Variants in SPAM1 observed in about 807,000 individuals in gnomAD.
SPAM1 encodes the protein hyaluronidase PH-20.
SPAM1 carries 22 observed loss-of-function variants against 29.6 expected under a neutral mutation model. That is an observed-to-expected ratio of 0.74 (90% CI 0.53 to 1.06). SPAM1 has a LOEUF of 1.06. Among genes scored for constraint, SPAM1 ranks in the 50% least tolerant of loss-of-function variants. The probability of loss-of-function intolerance (pLI) is 0.00; values close to 1 mark genes in which losing one functional copy is unlikely to be tolerated. For missense variants in SPAM1, 534 were observed against 604.0 expected, an observed-to-expected ratio of 0.88 and a Z score of 1.21; for synonymous variants, 194 against 204.6, an observed-to-expected ratio of 0.95 and a Z score of 0.44.
intron 1 of SPAM1, among the ~76,000 whole-genome samples, chr7:123,927,224 C>T (rs1371104145): frequency 2.0e-5 from 3 of 152,094 alleles, no homozygotes; most frequent in Non-Finnish European, 4.4e-5. Flanking sequence ...AGAGCTTAGT[C>T]CTCATATCCA....
intron 4 of SPAM1, among the ~76,000 whole-genome samples, chr7:123,956,119 G>T (rs974454012): frequency 6.6e-6 from 1 of 151,954 alleles, no homozygotes; most frequent in African/African-American, 2.4e-5. Context: ...TACTATTTAA[G>T]TGTCATGCTT....
At chr7:123,964,667 GGTGTGACCACAA>G (rs560686751), downstream of SPAM1, among the ~76,000 whole-genome samples, 672 of 151,934 alleles carry the variant, frequency 4.4e-3, 8 homozygotes, top group African/African-American at 0.015. Flanking sequence ...TGAAAGTGCA[GGTGTGACCACAA>G]GTGTGACCCA....
rs540843450 is a variant in SPAM1, at chr7:123,938,251, T to C, written c.-318-11621T>C. ...CCAAGCAACTGGGACTACAGACACATACCACCATGCCTGGCTGTAGAAAAT... is the reference window on the plus strand; with the variant it reads ...CCAAGCAACTGGGACTACAGACACACACCACCATGCCTGGCTGTAGAAAAT... On this transcript the variant is annotated intron_variant, in intron 1 of 4. Transcript: ENST00000682466. 1.8e-4 allele frequency among the ~76,000 whole-genome samples: 27 copies of C among 152,240 alleles called. No homozygotes were observed. In the South Asian group the frequency reaches 5.4e-3, roughly 30 times the overall value.
At chr7:123,935,882 C>T (rs1010493247) in intron 1 of SPAM1, among the ~76,000 whole-genome samples, 4 of 152,142 alleles carry the variant, frequency 2.6e-5, no homozygotes, top group Middle Eastern at 3.2e-3. Context: ...CCTATTTTAT[C>T]CTATCCTATT....
chr7:123,951,134 G>A (rs1808749925), intron 2 of SPAM1, among the ~76,000 whole-genome samples: 1 of 152,020 alleles, frequency 6.6e-6, no homozygotes, highest in Non-Finnish European at 1.5e-5. Flanking sequence ...TTTCGTTTGA[G>A]TTCCTCATAG....
chr7:123,948,681 T>A (rs749585722), intron 1 of SPAM1, among the ~76,000 whole-genome samples: 1 of 152,150 alleles, frequency 6.6e-6, no homozygotes, highest in Non-Finnish European at 1.5e-5. Context: ...CCTTTTTCAA[T>A]ATTTGTCCAT....
intron 1 of SPAM1, chr7:123,932,089 AC>A (rs1252372810): frequency 1.3e-5 from 2 of 152,212 alleles, no homozygotes; most frequent in Non-Finnish European, 2.9e-5. Flanking sequence ...ACGAATTAAA[AC>A]CAAGAGTACT....
In SPAM1 at chr7:123,935,587, T is replaced by G. The variant is rs1286064144; in HGVS notation, c.-319+10235T>G. Among the ~76,000 whole-genome samples, 69 of 152,168 alleles carry G rather than the reference T, an allele frequency of 4.5e-4. 1 individual carries two copies. The highest frequency in any genetic ancestry group is 2.1e-4 in the Non-Finnish European group (14 of 68,020). ...ATTGCTTAAGGAATTCTCAGACAGA[T>G]AAGAATTCTATTCTTGTTGCTGAAG... On this transcript the variant is annotated intron_variant, in intron 1 of 4. Transcript: ENST00000682466.
chr7:123,936,105 T>G (rs1162836571), intron 1 of SPAM1, among the ~76,000 whole-genome samples: 3 of 152,250 alleles, frequency 2.0e-5, no homozygotes, highest in African/African-American at 7.2e-5. Flanking sequence ...AATTTAGTTG[T>G]GGCTTTGTTG....
At position 123,959,660 on chromosome 7, in the gene SPAM1, T is replaced by A. The variant is rs1299410531; in HGVS notation, c.1221T>A (p.Ile407=). The A allele has an allele frequency of 1.2e-6, 2 of 1,613,244 alleles. No individual in the cohort carries two copies. The highest frequency in any genetic ancestry group is 1.7e-6 in the Non-Finnish European group (2 of 1,179,610). Residue 407 remains isoleucine, a synonymous_variant, in exon 5 of 5, where the codon ATT becomes ATA. Coordinates refer to ENST00000682466, the MANE Select transcript of SPAM1 (RefSeq NM_153189.3). The stretch of plus-strand genomic sequence containing the variant: ...ACCTCAACCCAGATAATTTTGCTAT[T>A]CAACTTGAGAAAGGTGGAAAGTTCA... The part of the protein sequence containing the change: ...YLHLNPDNFA[I]QLEKGGKFTV...
At chr7:123,934,983 T>C (rs557747587) in intron 1 of SPAM1, among the ~76,000 whole-genome samples, 1 of 152,276 alleles carries the variant, frequency 6.6e-6, no homozygotes, top group African/African-American at 2.4e-5. Context: ...TTCAAATAGC[T>C]AGAAGATTTT....
At chr7:123,970,908 C>T (rs1255622219) in intron 6 of SPAM1, 1 of 151,970 alleles carries the variant, frequency 6.6e-6, no homozygotes, top group East Asian at 1.9e-4. Context: ...TCTTCCTTCA[C>T]TTTTTAAGGA....
At chr7:123,957,247 G>A (rs1792267978) in intron 4 of SPAM1, among the ~76,000 whole-genome samples, 1 of 151,948 alleles carries the variant, frequency 6.6e-6, no homozygotes. Context: ...AGTTTAACAA[G>A]GAAGTTATCA....
downstream of SPAM1, among the ~76,000 whole-genome samples, chr7:123,960,569 A>G (rs574188892): frequency 1.3e-5 from 2 of 152,120 alleles, no homozygotes; most frequent in South Asian, 4.1e-4. Context: ...GAATACTTTC[A>G]GTGTATACAA....
At chr7:123,933,547 G>A (rs998509593) in intron 1 of SPAM1, among the ~76,000 whole-genome samples, 1 of 152,120 alleles carries the variant, frequency 6.6e-6, no homozygotes, top group Non-Finnish European at 1.5e-5. Flanking sequence ...ACTAGGAAAT[G>A]TATTGGGGAA....
intron 4 of SPAM1, among the ~76,000 whole-genome samples, chr7:123,958,949 TC>T (rs1157334295): frequency 1.4e-4 from 22 of 152,182 alleles, no homozygotes; most frequent in African/African-American, 4.8e-4. Flanking sequence ...TATGTATTTT[TC>T]TTTTTTATCT....
intron 4 of SPAM1, among the ~76,000 whole-genome samples, chr7:123,958,987 G>A (rs746307552): frequency 2.0e-5 from 3 of 151,820 alleles, no homozygotes; most frequent in Admixed American, 6.6e-5. Context: ...TATGAGGTAG[G>A]CATCATAATT....
rs973170255 is a variant in SPAM1 at position 123,970,278 on chromosome 7, C to G, written c.*30C>G. 5.2e-6 allele frequency: 8 copies of G among 1,546,534 alleles called. No individual in the cohort carries two copies. The Admixed American group carries it at 5.9e-5, about 11-fold the overall frequency. ...CATGAGGGAAAAATGTGTTTCAGGCCTCTTCCCTTGGCTTACAGGTGACTA... is the reference window on the plus strand; with the variant it reads ...CATGAGGGAAAAATGTGTTTCAGGCGTCTTCCCTTGGCTTACAGGTGACTA... On this transcript the variant is annotated 3_prime_UTR_variant, in exon 6 of 7. Coordinates refer to the SPAM1 transcript ENST00000340011.
intron 1 of SPAM1, among the ~76,000 whole-genome samples, chr7:123,935,052 G>A (rs975970491): frequency 6.6e-6 from 1 of 152,026 alleles, no homozygotes; most frequent in Non-Finnish European, 1.5e-5. Context: ...CCCTTATTTG[G>A]TTATTATGCA....
Sources: gnomAD v4.1 joint callset for allele counts (sites outside exome capture counted in the v4.1 genomes callset) on GRCh38, gnomAD v4.1.1 for gene constraint, MANE v1.5 for transcripts, NCBI Gene and HGNC (gene_info 2026-07-23, HGNC 2026-07-21) for gene names.